The following COPG2 variants were observed in gnomAD, a reference collection of about 807,000 sequenced individuals.
COPG2 encodes the protein coat protein complex I subunit gamma 2, also known as coatomer subunit gamma-2.
In COPG2, 37 loss-of-function variants were observed where a neutral mutation model predicts 46.3. The observed-to-expected ratio is 0.80, with a 90% CI of 0.61 to 1.05. The LOEUF (loss-of-function observed/expected upper bound fraction) is 1.05. COPG2 is among the 50% of genes least tolerant of loss of function. The probability of loss-of-function intolerance (pLI) is 0.00; values close to 1 mark genes in which losing one functional copy is unlikely to be tolerated. For synonymous variants in COPG2, 159 were observed against 129.7 expected (o/e 1.23, Z -1.53); for missense variants, 427 against 387.8 (o/e 1.10, Z -0.85).
At chr7:130,529,587 A>G (rs1799804770) in intron 20 of COPG2, among the ~76,000 whole-genome samples, 1 of 152,216 alleles carries the variant, frequency 6.6e-6, no homozygotes, top group African/African-American at 2.4e-5. Context: ...TATGCCTGGT[A>G]TTAAGACCAG....
At chr7:130,522,603 G>A (rs993949016) in intron 20 of COPG2, among the ~76,000 whole-genome samples, 11 of 151,920 alleles carry the variant, frequency 7.2e-5, no homozygotes, top group Non-Finnish European at 1.2e-4. Flanking sequence ...GTAGAGAAAC[G>A]AGGCATGGGA....
At chr7:130,634,396 T>C (rs1023624594) in intron 5 of COPG2, among the ~76,000 whole-genome samples, 1 of 152,210 alleles carries the variant, frequency 6.6e-6, no homozygotes, top group Admixed American at 6.5e-5. Context: ...TCTTATTTCC[T>C]TGAGAAGTAG....
chr7:130,556,274 T>A (rs1333399393), intron 12 of COPG2, among the ~76,000 whole-genome samples: 1 of 152,182 alleles, frequency 6.6e-6, no homozygotes, highest in African/African-American at 2.4e-5. Context: ...TAGTATTTCC[T>A]GGGGCTGCAA....
At chr7:130,574,780 C>CA (rs1346278962) in intron 9 of COPG2, among the ~76,000 whole-genome samples, 1 of 151,696 alleles carries the variant, frequency 6.6e-6, no homozygotes, top group Non-Finnish European at 1.5e-5. Context: ...AGGCAAAGCC[C>CA]AATGCAAGGA....
chr7:130,661,131 C>T (rs565616915), intron 4 of COPG2, among the ~76,000 whole-genome samples: 1 of 152,358 alleles, frequency 6.6e-6, no homozygotes, highest in South Asian at 2.1e-4. Flanking sequence ...TTAGTCCTAT[C>T]GAACAATCCT....
At chr7:130,609,333 C>A (rs34665390) in intron 9 of COPG2, among the ~76,000 whole-genome samples, 29,446 of 152,108 alleles carry the variant, frequency 0.19, 3,037 homozygotes, top group Middle Eastern at 0.25. Flanking sequence ...GTTCTCATGA[C>A]AGTAAGTCTC....
intron 9 of COPG2, 102 bp downstream of exon 9, chr7:130,610,850 TA>T: frequency 8.9e-7 from 1 of 1,121,186 alleles, no homozygotes; most frequent in Non-Finnish European, 1.4e-6. Context: ...AACTCATCTG[TA>T]AAGTTAGCAC....
In COPG2 at chr7:130,629,459, A is replaced by G. The variant is rs185444059; in HGVS notation, c.324-12394T>C. 1.4e-3 allele frequency among the ~76,000 whole-genome samples: 210 copies of G among 146,210 alleles called. 2 individuals carry two copies. The East Asian group carries it at 0.041, about 28-fold the overall frequency. Reference sequence around the variant, plus strand: ...ATACAGGCTGGAATGCAGTGGTGTGATCTCGGCTCACTGCAACCTCTGCCT... The same window carrying G: ...ATACAGGCTGGAATGCAGTGGTGTGGTCTCGGCTCACTGCAACCTCTGCCT... On this transcript the variant is annotated intron_variant, in intron 5 of 23. Coordinates refer to ENST00000425248, the MANE Select transcript of COPG2 (RefSeq NM_012133.6).
At chr7:130,626,400 A>ATTTTTTT (rs60484682) in intron 5 of COPG2, among the ~76,000 whole-genome samples, 8 of 119,842 alleles carry the variant, frequency 6.7e-5, no homozygotes, top group Non-Finnish European at 8.5e-5. Context: ...CACCAGGCTA[A>ATTTTTTT]TTTTTTTTTT....
chr7:130,506,873 C>A, intron 23 of COPG2, 67 bp from the exon 24 acceptor site: 2 of 700,244 alleles, frequency 2.9e-6, no homozygotes, highest in South Asian at 1.6e-5. Context: ...TGAAATTTAT[C>A]ATGCTATCCC....
chr7:130,527,142 A>G (rs1799782373), intron 20 of COPG2, among the ~76,000 whole-genome samples: 1 of 151,180 alleles, frequency 6.6e-6, no homozygotes, highest in Non-Finnish European at 1.5e-5. Context: ...AGCCCCTGGA[A>G]GGACCTGATG....
intron 9 of COPG2, among the ~76,000 whole-genome samples, chr7:130,570,803 C>T (rs1254401988): frequency 3.3e-5 from 5 of 152,158 alleles, no homozygotes; most frequent in Admixed American, 3.3e-4. Context: ...TCAAACTATA[C>T]TATAAGGCCA....
intron 4 of COPG2, among the ~76,000 whole-genome samples, chr7:130,655,315 T>C (rs1795827868): frequency 6.6e-6 from 1 of 152,184 alleles, no homozygotes; most frequent in Non-Finnish European, 1.5e-5. Context: ...AAGGTTATAG[T>C]ATATTCCCAT....
chr7:130,588,074 T>C (rs1249147653), intron 9 of COPG2, among the ~76,000 whole-genome samples: 2 of 151,424 alleles, frequency 1.3e-5, no homozygotes, highest in Middle Eastern at 3.2e-3. Flanking sequence ...ATCAGAGAAA[T>C]GCAAATCAAA....
At chr7:130,512,178 A>T (rs957547905) in intron 20 of COPG2, among the ~76,000 whole-genome samples, 6 of 151,862 alleles carry the variant, frequency 4.0e-5, no homozygotes, top group Middle Eastern at 3.4e-3. Flanking sequence ...AGGTTGTGGT[A>T]AGCCGAGTTG....
intron 9 of COPG2, among the ~76,000 whole-genome samples, chr7:130,577,250 C>A (rs1390447313): frequency 6.6e-6 from 1 of 152,232 alleles, no homozygotes; most frequent in African/African-American, 2.4e-5. Flanking sequence ...GCATTTCCAT[C>A]TGAGGTACTG....
chr7:130,521,975 T>C, intron 20 of COPG2, among the ~76,000 whole-genome samples: 1 of 152,100 alleles, frequency 6.6e-6, no homozygotes, highest in East Asian at 1.9e-4. Context: ...TATACTTAAA[T>C]GTGATTCCAA....
At chr7:130,545,548 C>T (rs1793430347) in intron 20 of COPG2, among the ~76,000 whole-genome samples, 2 of 152,116 alleles carry the variant, frequency 1.3e-5, no homozygotes, top group African/African-American at 4.8e-5. Flanking sequence ...TTCCATTGCA[C>T]AGCATAGACT....
rs1554462127 is a variant in COPG2, at chr7:130,668,713, G to A, written c.-45C>T. ...CCCAGACCCACCGCAACCGTCCCAG[G>A]CGCCGCAGCCGGCGAGCGGAAGAGG... On this transcript the variant is annotated 5_prime_UTR_variant, in exon 1 of 24. Transcript: ENST00000425248. 4 of 1,510,738 alleles carry A rather than the reference G, an allele frequency of 2.6e-6. No individual in the cohort carries two copies. Among genetic ancestry groups the A allele is most frequent in the Non-Finnish European group, 3.5e-6 (4 of 1,129,376 alleles). 93.6% of individuals were successfully genotyped at this position (1,510,738 alleles called of 1,614,324 possible).
Sources: allele counts gnomAD v4.1 joint callset (sites outside exome capture counted in the v4.1 genomes callset), GRCh38; gene constraint gnomAD v4.1.1; transcripts MANE v1.5; gene names NCBI Gene and HGNC (gene_info 2026-07-23, HGNC 2026-07-21).